Variants in SCN7A observed in about 807,000 individuals in gnomAD.
SCN7A encodes sodium channel protein type 7 subunit alpha.
In SCN7A, 138 loss-of-function variants were observed where a neutral mutation model predicts 155.2. That is an observed-to-expected ratio of 0.89 (90% CI 0.77 to 1.02). SCN7A has a LOEUF of 1.02. Among genes scored for constraint, SCN7A ranks in the 50% least tolerant of loss-of-function variants. The pLI is 0.00. For synonymous variants in SCN7A, 693 were observed against 649.0 expected (o/e 1.07, Z -1.03); for missense variants, 2,058 against 1,986.6 (o/e 1.04, Z -0.68).
intron 10 of SCN7A, among the ~76,000 whole-genome samples, chr2:166,459,182 G>A (rs967597646): frequency 6.6e-6 from 1 of 152,048 alleles, no homozygotes; most frequent in Non-Finnish European, 1.5e-5. Context: ...AAGCTCCCAA[G>A]ATCTCACAGC....
chr2:166,444,750 T>G lies in SCN7A; in HGVS notation c.1626+12A>C. ...AACTGCAAATGAAAATAATGTACAA[T>G]GAGAGTCTTACCAGGTTTCCAATGT... is the stretch of plus-strand genomic sequence containing the variant. On this transcript the variant is annotated intron_variant, in intron 13 of 25. Coordinates refer to ENST00000643258, the MANE Select transcript of SCN7A (RefSeq NM_002976.4). The G allele has an allele frequency of 2.1e-4, 293 of 1,390,486 alleles. No individual in the cohort carries two copies. The highest frequency in any genetic ancestry group is 2.6e-4 in the Non-Finnish European group (264 of 996,606). The allele number at this position is 1,390,486 out of a possible 1,614,324, so 86.1% of individuals were successfully genotyped here.
Position 166,441,627 on chromosome 2 carries a change from A to G in SCN7A, c.1926T>C (p.Ala642=), listed in dbSNP as rs1575029464. 2 of 1,613,926 alleles carry G rather than the reference A, an allele frequency of 1.2e-6. No individual in the cohort carries two copies. Among genetic ancestry groups the G allele is most frequent in the East Asian group, 4.5e-5 (2 of 44,866 alleles). The part of the protein sequence containing the change: ...LLLFTFIFFS[A]AFGMKLFGKN... ...TACCAAACAGCTTCATGCCGAATGC[A>G]GCAGAAAAGAAGATGAATGTGAACA... Residue 642 remains alanine, a synonymous_variant, in exon 15 of 26, where the codon GCT becomes GCC. Transcript: ENST00000643258.
intron 1 of SCN7A, among the ~76,000 whole-genome samples, chr2:166,488,811 T>C (rs375676475): frequency 2.0e-5 from 3 of 152,076 alleles, no homozygotes; most frequent in East Asian, 1.9e-4. Flanking sequence ...CTAATTTTTG[T>C]ATTGTTAGTA....
At chr2:166,447,238 A>G (rs1702083655) in intron 12 of SCN7A, among the ~76,000 whole-genome samples, 1 of 152,178 alleles carries the variant, frequency 6.6e-6, no homozygotes, top group South Asian at 2.1e-4. Flanking sequence ...ATGCTTTACA[A>G]ATTAATGCCT....
At chr2:166,415,568 G>T (rs1009588511) in intron 21 of SCN7A, among the ~76,000 whole-genome samples, 1 of 152,010 alleles carries the variant, frequency 6.6e-6, no homozygotes, top group Admixed American at 6.6e-5. Context: ...GGAAGTCAGG[G>T]ACCCTGAACA....
chr2:166,461,427 T>G (rs1240064062), intron 10 of SCN7A, among the ~76,000 whole-genome samples: 5 of 152,186 alleles, frequency 3.3e-5, no homozygotes, highest in African/African-American at 1.2e-4. Flanking sequence ...TGAGAAACTA[T>G]GACACATACA....
chr2:166,405,630 C>A lies in SCN7A; in HGVS notation c.4999G>T (p.Ala1667Ser). 1 of 1,607,090 alleles carries A rather than the reference C, an allele frequency of 6.2e-7. No individual in the cohort carries two copies. ...DRDVHATKEGAYFDKAKEKSP... is the reference protein window; with the variant it reads ...DRDVHATKEGSYFDKAKEKSP... The stretch of plus-strand genomic sequence containing the variant: ...TTTTCCTTAGCTTTGTCAAAATAGG[C>A]ACCTTCTTTAGTAGCATGAACATCT... The change falls in exon 26 of 26, where the codon GCC becomes TCC. Residue 1667 changes from alanine to serine, a missense_variant. Transcript: ENST00000643258.
chr2:166,477,789 A>T, intron 2 of SCN7A, 79 bp from the exon 3 acceptor site: 1 of 815,744 alleles, frequency 1.2e-6, no homozygotes, highest in Non-Finnish European at 1.8e-6. Context: ...AAAAATAGAG[A>T]CCAGTAAACT....
intron 2 of SCN7A, among the ~76,000 whole-genome samples, chr2:166,478,300 A>T (rs2105515838): frequency 6.7e-6 from 1 of 149,946 alleles, no homozygotes; most frequent in Non-Finnish European, 1.5e-5. Flanking sequence ...AAAGTATAAT[A>T]AAAAATATAT....
intron 2 of SCN7A, among the ~76,000 whole-genome samples, chr2:166,483,436 A>G (rs1702975870): frequency 6.6e-6 from 1 of 151,852 alleles, no homozygotes; most frequent in Non-Finnish European, 1.5e-5. Context: ...AGTTTTGTGT[A>G]CATATTATGT....
At chr2:166,467,565 C>A (rs988885627) in intron 7 of SCN7A, among the ~76,000 whole-genome samples, 22 of 150,046 alleles carry the variant, frequency 1.5e-4, no homozygotes, top group African/African-American at 5.4e-4. Flanking sequence ...TTTGGCAGAG[C>A]CTTAATTTTA....
At position 166,405,675 on chromosome 2, in the gene SCN7A, G is replaced by A; in HGVS notation, c.4954C>T (p.His1652Tyr). The A allele has an allele frequency of 1.2e-6, 2 of 1,612,444 alleles. No individual in the cohort carries two copies. The highest frequency in any genetic ancestry group is 8.5e-7 in the Non-Finnish European group (1 of 1,178,818). Residue 1652 changes from histidine to tyrosine, a missense_variant, in exon 26 of 26, where the codon CAT becomes TAT. Transcript: ENST00000643258. ...ACATCTCTGTCACCATCTATCATATGAATATCTGATGTATTTTTGTCATTT... is the reference window on the plus strand; with the variant it reads ...ACATCTCTGTCACCATCTATCATATAAATATCTGATGTATTTTTGTCATTT... Reference protein sequence around the residue: ...RRNDKNTSDIHMIDGDRDVHA... With the variant: ...RRNDKNTSDIYMIDGDRDVHA...
intron 2 of SCN7A, among the ~76,000 whole-genome samples, chr2:166,479,554 C>T (rs1055896524): frequency 5.9e-5 from 9 of 151,664 alleles, no homozygotes; most frequent in African/African-American, 1.9e-4. Context: ...TCATGTCTGC[C>T]GCATTCTACT....
chr2:166,468,418 T>C (rs1702583541), intron 7 of SCN7A, among the ~76,000 whole-genome samples: 1 of 152,066 alleles, frequency 6.6e-6, no homozygotes, highest in African/African-American at 2.4e-5. Flanking sequence ...CAAGTTAAAT[T>C]GGATTTCAAA....
chr2:166,450,081 T>C (rs1194458320), intron 11 of SCN7A, among the ~76,000 whole-genome samples: 1 of 152,126 alleles, frequency 6.6e-6, no homozygotes, highest in African/African-American at 2.4e-5. Flanking sequence ...CCATTAACAG[T>C]AGACTAAATA....
intron 11 of SCN7A, among the ~76,000 whole-genome samples, chr2:166,454,250 C>A (rs893257111): frequency 6.6e-6 from 1 of 152,150 alleles, no homozygotes; most frequent in Admixed American, 6.5e-5. Context: ...TGAAGGACCC[C>A]GGACTCATTT....
chr2:166,476,481 C>T (rs1161749055), intron 3 of SCN7A, among the ~76,000 whole-genome samples: 2 of 151,986 alleles, frequency 1.3e-5, no homozygotes, highest in African/African-American at 2.4e-5. Context: ...AAAACCTTGG[C>T]ATTTTTAGTC....
chr2:166,484,910 G>C (rs1259884044), intron 2 of SCN7A, among the ~76,000 whole-genome samples: 2 of 151,824 alleles, frequency 1.3e-5, no homozygotes, highest in Non-Finnish European at 2.9e-5. Flanking sequence ...TGTTTAAGAA[G>C]GAATGAAGAG....
chr2:166,448,753 ATAGTT>A (rs1299137266), intron 11 of SCN7A, among the ~76,000 whole-genome samples: 1 of 152,252 alleles, frequency 6.6e-6, no homozygotes, highest in African/African-American at 2.4e-5. Context: ...AATTCAATAT[ATAGTT>A]TAGGATTATT....
Sources: allele counts gnomAD v4.1 joint callset (sites outside exome capture counted in the v4.1 genomes callset), GRCh38; gene constraint gnomAD v4.1.1; transcripts MANE v1.5; gene names NCBI Gene and HGNC (gene_info 2026-07-23, HGNC 2026-07-21).